HLF: variants seen among roughly 807,000 people sequenced by gnomAD.
The protein encoded by HLF is HLF transcription factor, PAR bZIP family member, also known as hepatic leukemia factor.
Under a neutral mutation model 22.6 loss-of-function variants are expected in HLF, and 3 were observed. The observed-to-expected ratio is 0.13, with a 90% confidence interval of 0.06 to 0.34. The LOEUF (loss-of-function observed/expected upper bound fraction) is 0.34, where lower values mean the gene tolerates loss of function less well. HLF is among the 10% of genes least tolerant of loss of function. The pLI is 1.00. For missense variants in HLF, 299 were observed against 389.2 expected (o/e 0.77, Z 1.95); for synonymous variants, 151 against 151.8 (o/e 0.99, Z 0.04).
intron 2 of HLF, among the ~76,000 whole-genome samples, chr17:55,275,157 G>A (rs528570405): frequency 2.3e-4 from 35 of 152,172 alleles, no homozygotes; most frequent in Non-Finnish European, 4.3e-4. Context: ...GAGCAGTGGC[G>A]CGATCATGGT....
intron 2 of HLF, among the ~76,000 whole-genome samples, chr17:55,277,379 TG>T (rs1294194857): frequency 6.6e-6 from 1 of 151,976 alleles, no homozygotes; most frequent in Non-Finnish European, 1.5e-5. Flanking sequence ...AAGGATTACC[TG>T]GGGCAGTAAT....
intron 2 of HLF, among the ~76,000 whole-genome samples, chr17:55,300,160 A>G (rs557770755): frequency 3.9e-4 from 59 of 152,296 alleles, no homozygotes; most frequent in African/African-American, 1.4e-3. Flanking sequence ...AGATATAGTA[A>G]TGCAGCCACT....
At chr17:55,268,149 T>C in intron 2 of HLF, 63 bp downstream of exon 2, 2 of 1,206,460 alleles carry the variant, frequency 1.7e-6, no homozygotes, top group Non-Finnish European at 2.3e-6. Context: ...ACAGGCAAGG[T>C]AGAGTTAGCA....
intron 2 of HLF, among the ~76,000 whole-genome samples, chr17:55,307,147 C>CTTTTTTTTT (rs35828509): frequency 4.3e-5 from 3 of 70,124 alleles, no homozygotes; most frequent in Non-Finnish European, 7.5e-5. Context: ...TCTCAGCGGC[C>CTTTTTTTTT]TTTTTTTTTT....
intron 2 of HLF, among the ~76,000 whole-genome samples, chr17:55,268,680 T>G (rs1404340643): frequency 6.6e-6 from 1 of 152,182 alleles, no homozygotes; most frequent in South Asian, 2.1e-4. Flanking sequence ...CTGAGCCTTC[T>G]TCAGGACCAG....
At position 55,324,371 on chromosome 17, in the gene HLF, C is replaced by G. The variant is rs1905377757; in HGVS notation, c.*3492C>G. On this transcript the variant is annotated 3_prime_UTR_variant, in exon 4 of 4. Transcript: ENST00000226067. ...AGAAGCAAGAATTATCAGTGGCACC[C>G]TCCCCACTGCCCCCAGTGTAAAACA... The G allele has an allele frequency of 4.3e-6, 1 of 230,538 alleles. No individual in the cohort carries two copies. The highest frequency in any genetic ancestry group is 2.2e-5 in the African/African-American group (1 of 45,196). 14.3% of individuals were successfully genotyped at this position (230,538 alleles called of 1,614,324 possible).
intron 2 of HLF, chr17:55,283,353 C>G (rs769017953): frequency 2.6e-5 from 4 of 152,204 alleles, no homozygotes; most frequent in African/African-American, 7.2e-5. Context: ...GTCTGAGGCT[C>G]GGTCTGGGCT....
chr17:55,267,390 TA>T (rs1041868447), intron 1 of HLF, among the ~76,000 whole-genome samples: 1 of 152,224 alleles, frequency 6.6e-6, no homozygotes, highest in Admixed American at 6.5e-5. Context: ...GTTGTTTTCT[TA>T]AAAATGACAG....
chr17:55,312,991 G>A (rs1904900427), intron 2 of HLF, among the ~76,000 whole-genome samples: 1 of 152,158 alleles, frequency 6.6e-6, no homozygotes, highest in Non-Finnish European at 1.5e-5. Flanking sequence ...GGTATCTTTG[G>A]GGAGAAACGG....
chr17:55,315,088 G>A (rs560861282), intron 2 of HLF, 139 bp from the exon 3 acceptor site: 11 of 668,756 alleles, frequency 1.6e-5, no homozygotes, highest in Non-Finnish European at 2.7e-5. Context: ...AATGCAGTGC[G>A]GATGAGTAAG....
chr17:55,282,151 G>T (rs910596288), intron 2 of HLF, among the ~76,000 whole-genome samples: 1 of 152,190 alleles, frequency 6.6e-6, no homozygotes, highest in Non-Finnish European at 1.5e-5. Context: ...GTGGGACTGT[G>T]CCTACTCGGA....
In HLF at chr17:55,321,929, T is replaced by C. The variant is rs1905275558; in HGVS notation, c.*1050T>C. ...AACTTTTTCCATATCCCTCTTGACA[T>C]TCAAAACAGTTACTTAAGATTCAGT... On this transcript the variant is annotated 3_prime_UTR_variant, in exon 4 of 4. Transcript: ENST00000226067. The C allele has an allele frequency of 4.4e-6, 1 of 229,522 alleles. No homozygotes were observed. Among genetic ancestry groups the C allele is most frequent in the African/African-American group, 2.2e-5 (1 of 45,050 alleles). 14.2% of individuals were successfully genotyped at this position (229,522 alleles called of 1,614,324 possible). A position where few individuals can be genotyped will look rare whatever the true frequency, so the allele number is the denominator to read the frequency against.
rs1371028666 is a variant in HLF at position 55,265,044 on chromosome 17, C to A, written c.-441C>A. The A allele has an allele frequency of 6.0e-6, 1 of 167,726 alleles. No homozygotes were observed. The highest frequency in any genetic ancestry group is 1.2e-5 in the Non-Finnish European group (1 of 82,030). 10.4% of individuals were successfully genotyped at this position (167,726 alleles called of 1,614,324 possible). A position where few individuals can be genotyped will look rare whatever the true frequency, so the allele number is the denominator to read the frequency against. On this transcript the variant is annotated 5_prime_UTR_variant, in exon 1 of 4. Transcript: ENST00000226067. ...CCGCGGAGCGCTGGGGAGCAGCGGC[C>A]GCCGGCGCGGGGAGGGGGGTGGGGT...
Position 55,323,787 on chromosome 17 carries a change from G to A in HLF, c.*2908G>A, listed in dbSNP as rs889103328. The A allele has an allele frequency of 4.3e-5, 10 of 230,328 alleles. No individual in the cohort carries two copies. The highest frequency in any genetic ancestry group is 3.1e-4 in the East Asian group (5 of 16,240). 14.3% of individuals were successfully genotyped at this position (230,328 alleles called of 1,614,324 possible). A position where few individuals can be genotyped will look rare whatever the true frequency, so the allele number is the denominator to read the frequency against. On this transcript the variant is annotated 3_prime_UTR_variant, in exon 4 of 4. Transcript: ENST00000226067. ...ACCGGAGTCAGACGCATGTCTGCACGCTGCAGCTATTATGAGAGTCCCTTT... is the reference window on the plus strand; with the variant it reads ...ACCGGAGTCAGACGCATGTCTGCACACTGCAGCTATTATGAGAGTCCCTTT...
At chr17:55,272,924 A>G (rs1166483211) in intron 2 of HLF, 2 of 152,346 alleles carry the variant, frequency 1.3e-5, no homozygotes, top group Non-Finnish European at 2.9e-5. Context: ...CTGTTCATTC[A>G]TCAGGGGCTA....
intron 2 of HLF, among the ~76,000 whole-genome samples, chr17:55,312,256 G>A (rs1156528915): frequency 6.6e-6 from 1 of 152,150 alleles, no homozygotes; most frequent in Non-Finnish European, 1.5e-5. Flanking sequence ...CTTTCCACAG[G>A]GGCTGAACTA....
intron 2 of HLF, among the ~76,000 whole-genome samples, chr17:55,277,241 ATGTG>A (rs60023059): frequency 0.021 from 2,101 of 101,814 alleles, 27 homozygotes; most frequent in East Asian, 0.062. Context: ...TGTTATGTGT[ATGTG>A]TGTGTGTGTG....
chr17:55,324,249 A>G lies in HLF; in HGVS notation c.*3370A>G. The G allele has an allele frequency of 4.4e-6, 1 of 225,654 alleles. No homozygotes were observed. Among genetic ancestry groups the G allele is most frequent in the East Asian group, 6.4e-5 (1 of 15,744 alleles). The allele number at this position is 225,654 out of a possible 1,614,324, so 14.0% of individuals were successfully genotyped here. On this transcript the variant is annotated 3_prime_UTR_variant, in exon 4 of 4. Transcript: ENST00000226067. ...TGGGGTGGGTGGAATGGAAACCTGT[A>G]CTAGACCACCCAGAGGTTCCTTCTA... is the stretch of plus-strand genomic sequence containing the variant.
In HLF at chr17:55,323,014, T is replaced by G. The variant is rs75398986; in HGVS notation, c.*2135T>G. ...ATTTTCTAGTTTCCTGCCTTCAGAG[T>G]ATCTAATCCTTTAATGATCTGGTGG... On this transcript the variant is annotated 3_prime_UTR_variant, in exon 4 of 4. Transcript: ENST00000226067. 1,964 of 221,300 alleles carry G rather than the reference T, an allele frequency of 8.9e-3. 15 individuals are homozygous for G. The highest frequency in any genetic ancestry group is 0.019 in the Admixed American group (327 of 17,388). 13.7% of individuals were successfully genotyped at this position (221,300 alleles called of 1,614,324 possible). A position where few individuals can be genotyped will look rare whatever the true frequency, so the allele number is the denominator to read the frequency against.
Sources: allele counts gnomAD v4.1 joint callset (sites outside exome capture counted in the v4.1 genomes callset), GRCh38; gene constraint gnomAD v4.1.1; transcripts MANE v1.5; gene names NCBI Gene and HGNC (gene_info 2026-07-23, HGNC 2026-07-21).